Variants in GAPVD1 observed in about 807,000 individuals in gnomAD.
GAPVD1 encodes the protein GTPase activating protein and VPS9 domains 1, also known as GTPase-activating protein and VPS9 domain-containing protein 1.
Under a neutral mutation model 155.5 loss-of-function variants are expected in GAPVD1, and 35 were observed. The ratio of observed to expected loss-of-function variants is 0.23; its 90% CI spans 0.17 to 0.30. The LOEUF (loss-of-function observed/expected upper bound fraction) is 0.30. GAPVD1 is among the 10% of genes least tolerant of loss of function. The probability of loss-of-function intolerance (pLI) is 1.00; values close to 1 mark genes in which losing one functional copy is unlikely to be tolerated. For synonymous variants in GAPVD1, 636 were observed against 619.7 expected (o/e 1.03, Z -0.39); for missense variants, 1,429 against 1,775.7 (o/e 0.80, Z 3.51).
intron 2 of GAPVD1, among the ~76,000 whole-genome samples, chr9:125,284,513 T>G (rs796234587): frequency 2.6e-5 from 4 of 151,822 alleles, no homozygotes; most frequent in Non-Finnish European, 4.4e-5. Context: ...GGTCTCGTTA[T>G]GTTGCCCAGG....
rs1355643911 is a variant in GAPVD1 at position 125,339,278 on chromosome 9, C to T, written c.2877+1687C>T. ...TGTTGGGATTACAGGCGTGAGCCACCCACAGTGCCTGGCCCAGTTTTCTGT... is the reference window on the plus strand; with the variant it reads ...TGTTGGGATTACAGGCGTGAGCCACTCACAGTGCCTGGCCCAGTTTTCTGT... On this transcript the variant is annotated intron_variant, in intron 17 of 27. Transcript: ENST00000297933. 3.9e-5 allele frequency among the ~76,000 whole-genome samples: 6 copies of T among 152,106 alleles called. No individual in the cohort carries two copies. The East Asian group carries it at 9.6e-4, about 24-fold the overall frequency.
chr9:125,342,037 G>A (rs1847908563), intron 18 of GAPVD1, 182 bp from the exon 19 acceptor site: 1 of 535,614 alleles, frequency 1.9e-6, no homozygotes, highest in Non-Finnish European at 3.3e-6. Context: ...TCCGAAGCAG[G>A]TTCTGAAAGT....
At position 125,351,688 on chromosome 9, in the gene GAPVD1, G is replaced by A. The variant is rs191930453; in HGVS notation, c.3569+816G>A. Among the ~76,000 whole-genome samples the A allele has an allele frequency of 2.3e-4, 35 of 151,990 alleles. 1 individual carries two copies. In the South Asian group the frequency reaches 3.3e-3, roughly 14 times the overall value. On this transcript the variant is annotated intron_variant, in intron 23 of 27. Coordinates refer to ENST00000297933, the MANE Select transcript of GAPVD1 (RefSeq NM_001282680.3). ...CTTCAAAATGAACTCCTTTGACTCCGTGGCTCACATCCAGGTCACGCTGAT... is the reference window on the plus strand; with the variant it reads ...CTTCAAAATGAACTCCTTTGACTCCATGGCTCACATCCAGGTCACGCTGAT...
intron 5 of GAPVD1, 40 bp from the exon 6 acceptor site, chr9:125,305,023 T>C (rs758091598): frequency 7.6e-7 from 1 of 1,312,822 alleles, no homozygotes; most frequent in Admixed American, 1.7e-5. Flanking sequence ...TGAGTATCTG[T>C]CTGTAGCTTA....
chr9:125,308,257 G>T, intron 8 of GAPVD1: 1 of 243,234 alleles, frequency 4.1e-6, no homozygotes, highest in Non-Finnish European at 7.9e-6. Context: ...GAGATGGGGA[G>T]ATTGCTTGAG....
intron 11 of GAPVD1, among the ~76,000 whole-genome samples, chr9:125,324,207 CT>C (rs1168044716): frequency 5.3e-5 from 8 of 152,046 alleles, no homozygotes; most frequent in Non-Finnish European, 7.4e-5. Flanking sequence ...GCTCAAGGAA[CT>C]TAGAATAGGG....
intron 27 of GAPVD1, 40 bp from the exon 28 acceptor site, chr9:125,362,566 A>G (rs72767065): frequency 0.014 from 21,368 of 1,531,092 alleles, 177 homozygotes; most frequent in Non-Finnish European, 0.017. Flanking sequence ...GAGCTATGAC[A>G]TCTGAGTAAT....
chr9:125,338,483 G>A (rs1847350712), intron 17 of GAPVD1, among the ~76,000 whole-genome samples: 1 of 152,152 alleles, frequency 6.6e-6, no homozygotes, highest in Non-Finnish European at 1.5e-5. Context: ...ACTGCTTTTA[G>A]TTGTCATGCC....
chr9:125,322,158 G>A (rs1002914445), intron 10 of GAPVD1, among the ~76,000 whole-genome samples: 1 of 151,828 alleles, frequency 6.6e-6, no homozygotes, highest in Non-Finnish European at 1.5e-5. Flanking sequence ...TCCGCCTCCC[G>A]GGTTCACGCC....
intron 2 of GAPVD1, among the ~76,000 whole-genome samples, chr9:125,276,620 C>T (rs1321726374): frequency 2.6e-5 from 4 of 152,016 alleles, no homozygotes; most frequent in Non-Finnish European, 4.4e-5. Context: ...GCCTGGGAGG[C>T]GGAGGTTGCA....
chr9:125,367,052 C>G lies in GAPVD1; in HGVS notation c.*4306C>G, dbSNP rs1416286284. On this transcript the variant is annotated 3_prime_UTR_variant, in exon 28 of 28. Transcript: ENST00000297933. ...CCTGGATTAAAAAGCTGTACTGCCTCTTTTGAAACAGATAAAACCTTTCTA... is the reference window on the plus strand; with the variant it reads ...CCTGGATTAAAAAGCTGTACTGCCTGTTTTGAAACAGATAAAACCTTTCTA... The G allele has an allele frequency of 1.3e-5, 2 of 152,218 alleles. No homozygotes were observed. Among genetic ancestry groups the G allele is most frequent in the African/African-American group, 2.4e-5 (1 of 41,450 alleles). 9.4% of individuals were successfully genotyped at this position (152,218 alleles called of 1,614,324 possible).
In GAPVD1 at chr9:125,350,406, T is replaced by C; in HGVS notation, c.3409+2T>C. 6.4e-7 allele frequency: 1 copy of C among 1,567,372 alleles called. No individual in the cohort carries two copies. Among genetic ancestry groups the C allele is most frequent in the Non-Finnish European group, 8.8e-7 (1 of 1,137,636 alleles). On this transcript the variant is annotated splice_donor_variant, in intron 22 of 27. Coordinates refer to ENST00000297933, the MANE Select transcript of GAPVD1 (RefSeq NM_001282680.3). LOFTEE classifies it high-confidence loss of function. ...TACCAGACCACACAGACCCAGAAGG[T>C]AAATTGCTGCAGGATCGTTTAATTT...
intron 2 of GAPVD1, among the ~76,000 whole-genome samples, chr9:125,279,863 C>T (rs896818533): frequency 6.7e-6 from 1 of 150,362 alleles, no homozygotes. Context: ...TGAGTTCAAG[C>T]GATTCTTCTG....
rs186306070 is a variant in GAPVD1 at position 125,344,408 on chromosome 9, G to A, written c.3046+2109G>A. Reference sequence around the variant, plus strand: ...TATTAGCTATAAAATAATCTGTCATGGTTTTACTGCAGTGTAAACGTTCTC... The same window carrying A: ...TATTAGCTATAAAATAATCTGTCATAGTTTTACTGCAGTGTAAACGTTCTC... On this transcript the variant is annotated intron_variant, in intron 19 of 27. Coordinates refer to ENST00000297933, the MANE Select transcript of GAPVD1 (RefSeq NM_001282680.3). 1.4e-4 allele frequency among the ~76,000 whole-genome samples: 22 copies of A among 152,214 alleles called. No homozygotes were observed. In the East Asian group the frequency reaches 2.5e-3, roughly 17 times the overall value.
Position 125,349,480 on chromosome 9 carries a change from G to A in GAPVD1, c.3260G>A (p.Ser1087Asn). ...GCTGATGATCTCCCAGACTCTGCAA[G>A]CCAAGCAGCCCACCCGCAGGATTCA... ...ISADDLPDSA[S>N]QAAHPQDSAF... Residue 1087 changes from serine to asparagine, a missense_variant, in exon 21 of 28, where the codon AGC becomes AAC. Physicochemically the swap from Ser to Asn is conservative, Grantham distance 46. Transcript: ENST00000297933. The A allele has an allele frequency of 6.2e-7, 1 of 1,614,066 alleles. No homozygotes were observed. Among genetic ancestry groups the A allele is most frequent in the East Asian group, 2.2e-5 (1 of 44,888 alleles).
At chr9:125,315,863 A>G (rs1031687993) in intron 9 of GAPVD1, among the ~76,000 whole-genome samples, 2 of 152,084 alleles carry the variant, frequency 1.3e-5, no homozygotes, top group African/African-American at 4.8e-5. Flanking sequence ...AGAAGATCCA[A>G]GCTCTCACTG....
chr9:125,306,415 C>A (rs1216668729), intron 6 of GAPVD1, among the ~76,000 whole-genome samples: 4 of 152,196 alleles, frequency 2.6e-5, no homozygotes, highest in Non-Finnish European at 5.9e-5. Context: ...CTATATACTT[C>A]CAACCATCCC....
At chr9:125,336,469 A>G (rs1347317970) in intron 15 of GAPVD1, among the ~76,000 whole-genome samples, 1 of 152,158 alleles carries the variant, frequency 6.6e-6, no homozygotes, top group Non-Finnish European at 1.5e-5. Flanking sequence ...GTCTGTACAG[A>G]GTATTGCCCC....
At position 125,366,269 on chromosome 9, in the gene GAPVD1, A is replaced by G. The variant is rs1851465353; in HGVS notation, c.*3523A>G. The G allele has an allele frequency of 1.3e-5, 2 of 152,228 alleles. No individual in the cohort carries two copies. The highest frequency in any genetic ancestry group is 1.3e-4 in the Admixed American group (2 of 15,274). 9.4% of individuals were successfully genotyped at this position (152,228 alleles called of 1,614,324 possible). ...CTGTGTTCTTGCCGTAAGAATCTGT[A>G]GCTGACTGGTGTGCTGAACCCGGGC... On this transcript the variant is annotated 3_prime_UTR_variant, in exon 28 of 28. Coordinates refer to ENST00000297933, the MANE Select transcript of GAPVD1 (RefSeq NM_001282680.3).
Sources: allele counts gnomAD v4.1 joint callset (sites outside exome capture counted in the v4.1 genomes callset), GRCh38; gene constraint gnomAD v4.1.1; transcripts MANE v1.5; gene names NCBI Gene and HGNC (gene_info 2026-07-23, HGNC 2026-07-21).